HNRNPC: variants seen among roughly 807,000 people sequenced by gnomAD.
HNRNPC encodes heterogeneous nuclear ribonucleoproteins C1/C2.
A neutral mutation model predicts 33.2 loss-of-function variants in HNRNPC; 3 were observed. The ratio of observed to expected loss-of-function variants is 0.09; its 90% CI spans 0.04 to 0.23. HNRNPC has a LOEUF of 0.23. Among genes scored for constraint, HNRNPC ranks in the 10% least tolerant of loss-of-function variants. The pLI is 1.00. For missense variants in HNRNPC, 143 were observed against 366.7 expected (o/e 0.39, Z 4.98); for synonymous variants, 121 against 126.7 (o/e 0.96, Z 0.30).
chr14:21,223,287 C>G (rs1254164967), intron 5 of HNRNPC, among the ~76,000 whole-genome samples: 1 of 152,032 alleles, frequency 6.6e-6, no homozygotes, highest in Non-Finnish European at 1.5e-5. Flanking sequence ...ACCAGGATAC[C>G]TTAGTGTTGG....
intron 2 of HNRNPC, among the ~76,000 whole-genome samples, chr14:21,244,099 G>A (rs552595667): frequency 2.0e-5 from 3 of 150,840 alleles, no homozygotes; most frequent in South Asian, 2.1e-4. Context: ...TGCGATCTTC[G>A]ATCACTGCAA....
rs80237837 is a variant in HNRNPC, at chr14:21,220,018, C to A, written c.366-6901G>T. 6.2e-3 allele frequency among the ~76,000 whole-genome samples: 942 copies of A among 152,326 alleles called. 5 individuals carry two copies. Among genetic ancestry groups the A allele is most frequent in the Non-Finnish European group, 0.011 (736 of 68,026 alleles). On this transcript the variant is annotated intron_variant, in intron 5 of 8. Coordinates refer to ENST00000553300, the MANE Select transcript of HNRNPC (RefSeq NM_004500.4). ...CTTTTCATCACTCCCATTGCCATTT[C>A]TCTGGTCCCACCAAAAATCACTGCT... is the stretch of plus-strand genomic sequence containing the variant.
intron 2 of HNRNPC, among the ~76,000 whole-genome samples, chr14:21,257,762 G>A (rs117338809): frequency 6.6e-6 from 1 of 152,118 alleles, no homozygotes; most frequent in East Asian, 1.9e-4. Flanking sequence ...TTGTAGACAG[G>A]CTCTTGCTAT....
chr14:21,228,281 T>C (rs754631642), intron 5 of HNRNPC, among the ~76,000 whole-genome samples: 2 of 152,236 alleles, frequency 1.3e-5, no homozygotes, highest in African/African-American at 2.4e-5. Flanking sequence ...ATTAGGTCAT[T>C]ACCAAGGTCT....
intron 5 of HNRNPC, among the ~76,000 whole-genome samples, chr14:21,226,797 C>A (rs1893491429): frequency 6.8e-6 from 1 of 146,468 alleles, no homozygotes; most frequent in African/African-American, 2.5e-5. Context: ...GGAGAGTCGC[C>A]TGAACCCAGG....
intron 6 of HNRNPC, among the ~76,000 whole-genome samples, chr14:21,212,390 T>C (rs1891712735): frequency 6.6e-6 from 1 of 152,164 alleles, no homozygotes; most frequent in South Asian, 2.1e-4. Context: ...TACTGAACAC[T>C]GTCTGAATTT....
At chr14:21,217,961 T>C (rs1892375024) in intron 5 of HNRNPC, among the ~76,000 whole-genome samples, 1 of 152,180 alleles carries the variant, frequency 6.6e-6, no homozygotes, top group Non-Finnish European at 1.5e-5. Context: ...GAATCTAGTC[T>C]GTAACAGGCA....
At chr14:21,234,444 A>G (rs907907821) in intron 2 of HNRNPC, among the ~76,000 whole-genome samples, 23 of 151,914 alleles carry the variant, frequency 1.5e-4, no homozygotes, top group Admixed American at 1.3e-4. Context: ...CTTCCATTCT[A>G]TTTCAGCAGC....
intron 2 of HNRNPC, among the ~76,000 whole-genome samples, chr14:21,249,605 A>C (rs868728398): frequency 1.3e-4 from 20 of 151,042 alleles, no homozygotes; most frequent in African/African-American, 4.6e-4. Flanking sequence ...AAAAAAAAAA[A>C]AAAAAAAAAA....
At chr14:21,232,036 G>T (rs574985342) in intron 3 of HNRNPC, among the ~76,000 whole-genome samples, 1 of 152,118 alleles carries the variant, frequency 6.6e-6, no homozygotes, top group Admixed American at 6.5e-5. Context: ...CTGAATAATT[G>T]ATCAATTGCT....
chr14:21,219,627 T>C (rs1490121070), intron 5 of HNRNPC, among the ~76,000 whole-genome samples: 1 of 152,228 alleles, frequency 6.6e-6, no homozygotes, highest in Non-Finnish European at 1.5e-5. Flanking sequence ...ATTTTTTTCA[T>C]TTTGGCATTT....
chr14:21,254,450 A>C (rs748936713), intron 2 of HNRNPC: 1 of 152,116 alleles, frequency 6.6e-6, no homozygotes, highest in Non-Finnish European at 1.5e-5. Context: ...CTGGAAGAAC[A>C]CCCCAAATGT....
intron 5 of HNRNPC, 103 bp downstream of exon 5, chr14:21,230,216 G>GT: frequency 1.4e-6 from 1 of 729,110 alleles, no homozygotes; most frequent in Non-Finnish European, 2.3e-6. Flanking sequence ...AGTTAGGGGA[G>GT]TATGTTTGAA....
intron 4 of HNRNPC, 100 bp from the exon 5 acceptor site, chr14:21,230,466 G>A: frequency 1.3e-6 from 1 of 780,002 alleles, no homozygotes; most frequent in Non-Finnish European, 2.2e-6. Flanking sequence ...ACAACAAATA[G>A]ATCAACAAGA....
chr14:21,260,731 G>A (rs993411763), intron 2 of HNRNPC, among the ~76,000 whole-genome samples: 6 of 152,120 alleles, frequency 3.9e-5, no homozygotes, highest in East Asian at 1.9e-4. Flanking sequence ...TTGGGAGGCC[G>A]AGGCGGGCAG....
rs747115106 is a variant in HNRNPC at position 21,257,561 on chromosome 14, G to GA, written c.-37+5749dup. ...GTTCACTTCGGTTTTATAAGTCTTA[G>GA]AAAAAAAAAAAAGATAGCTCACTTT... is the stretch of plus-strand genomic sequence containing the variant. On this transcript the variant is annotated intron_variant, in intron 2 of 8. Transcript: ENST00000553300. Among the ~76,000 whole-genome samples the GA allele has an allele frequency of 4.1e-3, 575 of 138,558 alleles. 2 individuals carry two copies. The highest frequency in any genetic ancestry group is 5.4e-3 in the Non-Finnish European group (345 of 63,322). 90.9% of individuals were successfully genotyped at this position (138,558 alleles called of 152,430 possible). A position where few individuals can be genotyped will look rare whatever the true frequency, so the allele number is the denominator to read the frequency against.
At chr14:21,257,600 TAAGA>T (rs1350982768) in intron 2 of HNRNPC, among the ~76,000 whole-genome samples, 1 of 152,142 alleles carries the variant, frequency 6.6e-6, no homozygotes, top group Non-Finnish European at 1.5e-5. Flanking sequence ...TTTTTTACTT[TAAGA>T]GATAGGGTCT....
chr14:21,242,270 G>T (rs551145742), intron 2 of HNRNPC, among the ~76,000 whole-genome samples: 1 of 152,288 alleles, frequency 6.6e-6, no homozygotes, highest in South Asian at 2.1e-4. Flanking sequence ...AGATCACGAG[G>T]TCAAGAGGTG....
chr14:21,254,383 TTAAA>T (rs1876758606), intron 2 of HNRNPC, among the ~76,000 whole-genome samples: 1 of 152,170 alleles, frequency 6.6e-6, no homozygotes, highest in Non-Finnish European at 1.5e-5. Context: ...AAATTATTAC[TTAAA>T]TATATATGCT....
Sources: allele counts gnomAD v4.1 joint callset (sites outside exome capture counted in the v4.1 genomes callset), GRCh38; gene constraint gnomAD v4.1.1; transcripts MANE v1.5; gene names NCBI Gene and HGNC (gene_info 2026-07-23, HGNC 2026-07-21).